CEP162: variants seen among roughly 807,000 people sequenced by gnomAD.
The protein encoded by CEP162 is centrosomal protein 162.
Under a neutral mutation model 169.2 loss-of-function variants are expected in CEP162, and 141 were observed. The ratio of observed to expected loss-of-function variants is 0.83; its 90% confidence interval spans 0.73 to 0.96. The LOEUF (loss-of-function observed/expected upper bound fraction) is 0.96, where lower values mean the gene tolerates loss of function less well. CEP162 is among the 40% of genes least tolerant of loss of function. The pLI is 0.00. For missense variants in CEP162, 1,600 were observed against 1,587.2 expected (o/e 1.01, Z -0.14); for synonymous variants, 540 against 526.4 (o/e 1.03, Z -0.35).
chr6:84,137,691 G>A (rs1452688462), intron 25 of CEP162, among the ~76,000 whole-genome samples: 1 of 152,078 alleles, frequency 6.6e-6, no homozygotes, highest in Non-Finnish European at 1.5e-5. Flanking sequence ...TACAACTGCA[G>A]GGTGTGAAGA....
At position 84,155,401 on chromosome 6, in the gene CEP162, A is replaced by C. The variant is rs560930481; in HGVS notation, c.2891T>G (p.Phe964Cys). The change falls in exon 22 of 27, where the codon TTT becomes TGT. Residue 964 changes from phenylalanine (F) to cysteine (C), a missense_variant. Physicochemically the swap from Phe to Cys is radical, Grantham distance 205 (BLOSUM62 -2). Coordinates refer to ENST00000403245, the MANE Select transcript of CEP162 (RefSeq NM_014895.4). ...GDTVDKNTVE[F>C]MEKRIKKLEA... ...TAGCTTTTTTATCCTTTTCTCCATA[A>C]ATTCCACTGTATTTTTATCCACTGT... The C allele has an allele frequency of 2.5e-6, 4 of 1,613,538 alleles. No homozygotes were observed. The highest frequency in any genetic ancestry group is 3.4e-6 in the Non-Finnish European group (4 of 1,179,630).
intron 25 of CEP162, among the ~76,000 whole-genome samples, chr6:84,140,069 CT>C (rs2099515913): frequency 1.3e-5 from 2 of 148,234 alleles, no homozygotes; most frequent in Non-Finnish European, 2.9e-5. Flanking sequence ...TTCATGACCA[CT>C]GAGAACACTG....
intron 6 of CEP162, among the ~76,000 whole-genome samples, chr6:84,211,509 A>G (rs1348150598): frequency 6.9e-6 from 1 of 145,960 alleles, no homozygotes; most frequent in African/African-American, 2.6e-5. Context: ...CCTGGCTGAC[A>G]GAGCAAGATT....
chr6:84,204,779 T>G (rs923296732), intron 6 of CEP162, among the ~76,000 whole-genome samples: 1 of 152,082 alleles, frequency 6.6e-6, no homozygotes, highest in African/African-American at 2.4e-5. Context: ...AAAAAATCAA[T>G]GAATCCAGGA....
chr6:84,149,574 T>C lies in CEP162; in HGVS notation c.3759A>G (p.Ile1253Met), dbSNP rs2099520348. 6.3e-7 allele frequency: 1 copy of C among 1,594,044 alleles called. No individual in the cohort carries two copies. Among genetic ancestry groups the C allele is most frequent in the South Asian group, 1.1e-5 (1 of 87,488 alleles). Residue 1253 changes from isoleucine to methionine, a missense_variant, in exon 24 of 27, where the codon ATA becomes ATG. Coordinates refer to ENST00000403245, the MANE Select transcript of CEP162 (RefSeq NM_014895.4). ...SSKVAELNRK[I>M]ATQEVLIRHF... ...ATTTGTCATCTACCTCTTGAGTTGC[T>C]ATTTTACGATTTAGTTCAGCTACTT... is the stretch of plus-strand genomic sequence containing the variant.
intron 3 of CEP162, among the ~76,000 whole-genome samples, chr6:84,220,614 C>T (rs944047188): frequency 6.6e-5 from 10 of 152,052 alleles, no homozygotes; most frequent in African/African-American, 2.2e-4. Context: ...ATATCATATA[C>T]ATATATATGA....
intron 4 of CEP162, 102 bp from the exon 5 acceptor site, chr6:84,215,567 T>C: frequency 8.6e-7 from 1 of 1,160,918 alleles, no homozygotes; most frequent in Non-Finnish European, 1.2e-6. Flanking sequence ...TTTAAAAATT[T>C]TACAAATATT....
At chr6:84,151,397 G>A (rs1446003828) in intron 23 of CEP162, among the ~76,000 whole-genome samples, 2 of 152,036 alleles carry the variant, frequency 1.3e-5, no homozygotes, top group Non-Finnish European at 2.9e-5. Flanking sequence ...AGATAAAGCT[G>A]GGCTGGTAAT....
intron 25 of CEP162, among the ~76,000 whole-genome samples, chr6:84,135,245 A>G (rs1227152251): frequency 6.6e-6 from 1 of 152,216 alleles, no homozygotes; most frequent in African/African-American, 2.4e-5. Context: ...TAGCATCAAT[A>G]AAAAGCATAA....
At chr6:84,219,920 A>C (rs1291669514) in intron 3 of CEP162, among the ~76,000 whole-genome samples, 2 of 152,182 alleles carry the variant, frequency 1.3e-5, no homozygotes, top group South Asian at 2.1e-4. Context: ...TTGTGACAAG[A>C]GAGCTAGAAG....
At chr6:84,224,554 ATT>A (rs2099554966) in intron 2 of CEP162, among the ~76,000 whole-genome samples, 1 of 152,220 alleles carries the variant, frequency 6.6e-6, no homozygotes. Flanking sequence ...CAATAAAGCT[ATT>A]TTTAAAAAGC....
rs146075967 is a variant in CEP162 at position 84,225,037 on chromosome 6, G to C, written c.57+1300C>G. On this transcript the variant is annotated intron_variant, in intron 2 of 26. Coordinates refer to ENST00000403245, the MANE Select transcript of CEP162 (RefSeq NM_014895.4). ...AGAAGGCATTATTTTTCCATGAGACGGATAATGAAGTTTTTTTGTACTACA... is the reference window on the plus strand; with the variant it reads ...AGAAGGCATTATTTTTCCATGAGACCGATAATGAAGTTTTTTTGTACTACA... Among the ~76,000 whole-genome samples the C allele has an allele frequency of 4.1e-3, 630 of 152,070 alleles. 4 individuals are homozygous for C. The highest frequency in any genetic ancestry group is 6.3e-3 in the Non-Finnish European group (427 of 67,972).
Position 84,185,379 on chromosome 6 carries a change from C to T in CEP162, c.1471G>A (p.Ala491Thr). ...TTAAGTAAAGGAGGTGCACTTCTGGCCTTCTTGTATGGTACCTGTTTACCC... is the reference window on the plus strand; with the variant it reads ...TTAAGTAAAGGAGGTGCACTTCTGGTCTTCTTGTATGGTACCTGTTTACCC... Reference protein sequence around the residue: ...VMGKQVPYKKARSAPPLLKRK... With the variant: ...VMGKQVPYKKTRSAPPLLKRK... Residue 491 changes from alanine (A) to threonine (T), a missense_variant, in exon 13 of 27, where the codon GCC becomes ACC. Coordinates refer to ENST00000403245, the MANE Select transcript of CEP162 (RefSeq NM_014895.4). The T allele has an allele frequency of 2.5e-6, 4 of 1,613,530 alleles. No individual in the cohort carries two copies. Among genetic ancestry groups the T allele is most frequent in the Non-Finnish European group, 3.4e-6 (4 of 1,179,588 alleles).
At chr6:84,217,767 C>A (rs1049078494) in intron 3 of CEP162, 1 of 151,950 alleles carries the variant, frequency 6.6e-6, no homozygotes, top group Admixed American at 6.6e-5. Context: ...AATGTAGTCA[C>A]CAATAATTAG....
At chr6:84,129,305 C>T (rs1054733123) in intron 25 of CEP162, among the ~76,000 whole-genome samples, 2 of 152,188 alleles carry the variant, frequency 1.3e-5, no homozygotes, top group African/African-American at 4.8e-5. Flanking sequence ...TACACTCCCA[C>T]CAACAGTGTA....
At chr6:84,172,989 C>T (rs2099530798) in intron 16 of CEP162, among the ~76,000 whole-genome samples, 1 of 152,142 alleles carries the variant, frequency 6.6e-6, no homozygotes, top group African/African-American at 2.4e-5. Context: ...ACATTGCAAA[C>T]ATCTGCCTCT....
At chr6:84,164,872 A>G (rs1468357954) in intron 18 of CEP162, among the ~76,000 whole-genome samples, 2 of 152,056 alleles carry the variant, frequency 1.3e-5, no homozygotes, top group East Asian at 3.9e-4. Context: ...TAAACAAAAC[A>G]AAACAAACAA....
intron 18 of CEP162, among the ~76,000 whole-genome samples, chr6:84,168,174 G>C (rs1228673098): frequency 6.6e-6 from 1 of 152,064 alleles, no homozygotes; most frequent in East Asian, 1.9e-4. Flanking sequence ...TGCTATGCTT[G>C]AAACCTTACT....
At chr6:84,184,711 A>G (rs1351923203) in intron 13 of CEP162, among the ~76,000 whole-genome samples, 2 of 151,666 alleles carry the variant, frequency 1.3e-5, no homozygotes, top group Admixed American at 6.6e-5. Context: ...CCTTCTATCT[A>G]TGCTCACTCT....
Sources: allele counts gnomAD v4.1 joint callset (sites outside exome capture counted in the v4.1 genomes callset), GRCh38; gene constraint gnomAD v4.1.1; transcripts MANE v1.5; gene names NCBI Gene and HGNC (gene_info 2026-07-23, HGNC 2026-07-21).